The following POLR3B variants were observed in gnomAD, a reference collection of about 807,000 sequenced individuals.
POLR3B encodes RNA polymerase III subunit B, also known as DNA-directed RNA polymerase III subunit RPC2.
A neutral mutation model predicts 147.4 loss-of-function variants in POLR3B; 96 were observed. That is an observed-to-expected ratio of 0.65 (90% CI 0.55 to 0.77). POLR3B has a LOEUF of 0.77. POLR3B is among the 30% of genes least tolerant of loss of function. The probability of loss-of-function intolerance (pLI) is 0.00; values close to 1 mark genes in which losing one functional copy is unlikely to be tolerated. For synonymous variants in POLR3B, 461 were observed against 485.9 expected, an observed-to-expected ratio of 0.95 and a Z score of 0.67; for missense variants, 1,036 against 1,413.5, an observed-to-expected ratio of 0.73 and a Z score of 4.28.
At chr12:106,385,130 C>A (rs2036818366) in intron 9 of POLR3B, among the ~76,000 whole-genome samples, 1 of 152,054 alleles carries the variant, frequency 6.6e-6, no homozygotes, top group African/African-American at 2.4e-5. Flanking sequence ...CCTTAAATAT[C>A]TTTTAAAAGA....
chr12:106,436,164 T>C (rs2037573400), intron 16 of POLR3B, among the ~76,000 whole-genome samples: 1 of 152,212 alleles, frequency 6.6e-6, no homozygotes, highest in African/African-American at 2.4e-5. Context: ...TCTTCTTAAC[T>C]GTTGAAAAGT....
intron 21 of POLR3B, among the ~76,000 whole-genome samples, chr12:106,457,796 A>C (rs888904877): frequency 6.6e-6 from 1 of 152,254 alleles, no homozygotes; most frequent in African/African-American, 2.4e-5. Flanking sequence ...AAGGAATCAT[A>C]TAGGTAACTA....
chr12:106,415,769 A>C (rs1328882182), intron 12 of POLR3B, among the ~76,000 whole-genome samples: 1 of 152,238 alleles, frequency 6.6e-6, no homozygotes, highest in Non-Finnish European at 1.5e-5. Flanking sequence ...AGCAGAAGTC[A>C]TTCTTAGTAA....
intron 18 of POLR3B, among the ~76,000 whole-genome samples, chr12:106,442,739 G>A (rs904733029): frequency 1.3e-5 from 2 of 150,572 alleles, no homozygotes; most frequent in Admixed American, 1.3e-4. Flanking sequence ...CACAGGTGCT[G>A]TAAACCACTG....
At chr12:106,495,880 GA>G in intron 23 of POLR3B, 174 bp from the exon 24 acceptor site, 3 of 689,322 alleles carry the variant, frequency 4.4e-6, no homozygotes, top group Non-Finnish European at 5.3e-6. Flanking sequence ...AGTCGTTTTT[GA>G]ACTGTTTGTC....
rs1300348373 is a variant in POLR3B at position 106,476,907 on chromosome 12, G to A, written c.2713+13287G>A. Reference sequence around the variant, plus strand: ...TCCATCCAGCTTTGTTCCGTTGCTGGTGAGGAACTGCATTCCTTTGGAGGA... The same window carrying A: ...TCCATCCAGCTTTGTTCCGTTGCTGATGAGGAACTGCATTCCTTTGGAGGA... On this transcript the variant is annotated intron_variant, in intron 23 of 27. Transcript: ENST00000228347. Among the ~76,000 whole-genome samples the A allele has an allele frequency of 5.9e-5, 9 of 151,820 alleles. No individual in the cohort carries two copies. In the East Asian group the frequency reaches 1.4e-3, roughly 23 times the overall value.
intron 1 of POLR3B, among the ~76,000 whole-genome samples, chr12:106,361,228 T>A (rs1195113034): frequency 5.9e-5 from 9 of 152,080 alleles, no homozygotes; most frequent in African/African-American, 1.9e-4. Flanking sequence ...GCTGAAAGAT[T>A]ATGAGGGCCT....
At chr12:106,378,239 T>TG (rs1565877748) in intron 7 of POLR3B, 28 bp from the exon 8 acceptor site, 1 of 1,344,490 alleles carries the variant, frequency 7.4e-7, no homozygotes, top group Admixed American at 1.7e-5. Context: ...GAATAAATGA[T>TG]GAAGTTTTTC....
intron 11 of POLR3B, among the ~76,000 whole-genome samples, chr12:106,409,343 A>AG (rs2037189951): frequency 1.2e-5 from 1 of 80,374 alleles, no homozygotes; most frequent in Non-Finnish European, 2.3e-5. Context: ...CGATTGTAAG[A>AG]GGGTTTTTTT....
chr12:106,358,333 C>T lies in POLR3B; in HGVS notation c.72+382C>T, dbSNP rs1332706046. ...AGCTCAGGCCATTTGCATGAGGCAC[C>T]ACAGCCGGCTGTGGGGGTAAAACCA... is the stretch of plus-strand genomic sequence containing the variant. On this transcript the variant is annotated intron_variant, in intron 1 of 27. Coordinates refer to ENST00000228347, the MANE Select transcript of POLR3B (RefSeq NM_018082.6). 4.4e-6 allele frequency: 4 copies of T among 904,586 alleles called. No homozygotes were observed. The African/African-American group carries it at 5.2e-5, about 12-fold the overall frequency. 56.0% of individuals were successfully genotyped at this position (904,586 alleles called of 1,614,324 possible).
intron 20 of POLR3B, 85 bp downstream of exon 20, chr12:106,454,796 ATG>A: frequency 1.3e-6 from 1 of 783,662 alleles, no homozygotes; most frequent in Non-Finnish European, 2.3e-6. Flanking sequence ...CACTTGGTTA[ATG>A]TCAGTTTTAA....
intron 23 of POLR3B, among the ~76,000 whole-genome samples, chr12:106,464,273 C>G (rs1256335931): frequency 6.6e-6 from 1 of 152,188 alleles, no homozygotes; most frequent in Non-Finnish European, 1.5e-5. Context: ...CACTGTATCA[C>G]TGTTAATTTT....
chr12:106,363,334 A>C (rs1369307084), intron 1 of POLR3B, among the ~76,000 whole-genome samples: 1 of 152,194 alleles, frequency 6.6e-6, no homozygotes, highest in Non-Finnish European at 1.5e-5. Flanking sequence ...TAGCCCCTCC[A>C]CACCTAAACC....
At chr12:106,421,906 G>A (rs572044825) in intron 12 of POLR3B, among the ~76,000 whole-genome samples, 11 of 152,064 alleles carry the variant, frequency 7.2e-5, no homozygotes, top group African/African-American at 2.7e-4. Flanking sequence ...CACCATGTTG[G>A]CCAGGCTGGT....
rs779395154 is a variant in POLR3B, at chr12:106,454,466, G to T, written c.2084-36G>T. 8 of 948,862 alleles carry T rather than the reference G, an allele frequency of 8.4e-6. No individual in the cohort carries two copies. The South Asian group carries it at 1.0e-4, about 12-fold the overall frequency. 58.8% of individuals were successfully genotyped at this position (948,862 alleles called of 1,614,324 possible). A position where few individuals can be genotyped will look rare whatever the true frequency, so the allele number is the denominator to read the frequency against. On this transcript the variant is annotated intron_variant, in intron 19 of 27. Coordinates refer to ENST00000228347, the MANE Select transcript of POLR3B (RefSeq NM_018082.6). ...TACTACCTTATTATTTCACATAATA[G>T]AATGTTGTATTTTGTTTTCTCCCAT... is the stretch of plus-strand genomic sequence containing the variant.
chr12:106,412,214 TTTG>T (rs1219986279), intron 12 of POLR3B, among the ~76,000 whole-genome samples: 1 of 152,138 alleles, frequency 6.6e-6, no homozygotes, highest in African/African-American at 2.4e-5. Flanking sequence ...GTCCCAGTTT[TTTG>T]TTTTTTTTTT....
intron 15 of POLR3B, 50 bp downstream of exon 15, chr12:106,432,530 G>A: frequency 1.4e-6 from 2 of 1,428,626 alleles, no homozygotes; most frequent in Non-Finnish European, 2.0e-6. Flanking sequence ...GTGAAGAGGG[G>A]GAGGGAATCC....
Position 106,410,904 on chromosome 12 carries a change from A to G in POLR3B, c.1045A>G (p.Asn349Asp), listed in dbSNP as rs1327845774. The change falls in exon 12 of 28, where the codon AAT (asparagine) becomes GAT (aspartate). Residue 349 changes from asparagine to aspartate, a missense_variant. This residue lies in a region of POLR3B where 217 missense variants were observed against 288.7 expected (regional missense o/e 0.75). Coordinates refer to ENST00000228347, the MANE Select transcript of POLR3B (RefSeq NM_018082.6). ...AAGAGTTATTCTGGCCCAAGGAGAT[A>G]ATAAAGTTGACGACAGAGATTATTA... ...VRRVILAQGD[N>D]KVDDRDYYGN... 1 of 1,613,780 alleles carries G rather than the reference A, an allele frequency of 6.2e-7. No homozygotes were observed. Among genetic ancestry groups the G allele is most frequent in the East Asian group, 2.2e-5 (1 of 44,862 alleles).
chr12:106,394,770 C>T (rs1447226878), intron 10 of POLR3B, among the ~76,000 whole-genome samples: 1 of 152,128 alleles, frequency 6.6e-6, no homozygotes, highest in East Asian at 1.9e-4. Flanking sequence ...AGGAAGTTAA[C>T]ATAAGAAAGA....
Sources: gnomAD v4.1 joint callset for allele counts (sites outside exome capture counted in the v4.1 genomes callset) on GRCh38, gnomAD v4.1.1 for gene constraint, gnomAD v4.1.1 regional missense constraint, MANE v1.5 for transcripts, NCBI Gene and HGNC (gene_info 2026-07-23, HGNC 2026-07-21) for gene names.